Variants in DIPK1A observed in about 807,000 individuals in gnomAD.
DIPK1A encodes the protein divergent protein kinase domain 1A, also known as family with sequence similarity 69 member A.
DIPK1A carries 27 observed loss-of-function variants against 40.8 expected under a neutral mutation model. The observed-to-expected ratio is 0.66, with a 90% CI of 0.49 to 0.91. DIPK1A has a LOEUF of 0.91. Ranked by LOEUF, DIPK1A falls within the 40% of genes least tolerant of loss-of-function variation. The pLI is 0.00. For synonymous variants in DIPK1A, 166 were observed against 171.3 expected, an observed-to-expected ratio of 0.97 and a Z score of 0.24; for missense variants, 412 against 505.7, an observed-to-expected ratio of 0.81 and a Z score of 1.78.
intron 1 of DIPK1A, among the ~76,000 whole-genome samples, chr1:92,901,878 T>A (rs144859724): frequency 1.7e-4 from 26 of 152,198 alleles, no homozygotes; most frequent in African/African-American, 5.3e-4. Flanking sequence ...ACTAAAGTTG[T>A]CTGGCTTATA....
intron 1 of DIPK1A, among the ~76,000 whole-genome samples, chr1:92,876,810 T>C (rs1557465215): frequency 6.6e-6 from 1 of 152,208 alleles, no homozygotes; most frequent in Non-Finnish European, 1.5e-5. Flanking sequence ...CACATAAGAA[T>C]CTTAAAGGTC....
intron 1 of DIPK1A, among the ~76,000 whole-genome samples, chr1:92,905,247 C>G (rs1213208423): frequency 6.6e-6 from 1 of 152,090 alleles, no homozygotes; most frequent in Admixed American, 6.5e-5. Context: ...TCTATAATGG[C>G]TGTACTAACC....
chr1:92,844,245 T>G, intron 4 of DIPK1A, 50 bp from the exon 5 acceptor site: 1 of 1,135,040 alleles, frequency 8.8e-7, no homozygotes, highest in Admixed American at 2.4e-5. Context: ...ATACCTCCCA[T>G]GCAACATACT....
chr1:92,868,049 A>G (rs1356724803), intron 2 of DIPK1A, among the ~76,000 whole-genome samples: 1 of 152,208 alleles, frequency 6.6e-6, no homozygotes, highest in Non-Finnish European at 1.5e-5. Context: ...AATCAGTGTT[A>G]GATTATCAGG....
chr1:92,864,001 G>A (rs575488081), intron 2 of DIPK1A, among the ~76,000 whole-genome samples: 1 of 152,226 alleles, frequency 6.6e-6, no homozygotes, highest in South Asian at 2.1e-4. Flanking sequence ...AGGTTGCAGT[G>A]AGCTGAGATG....
intron 2 of DIPK1A, among the ~76,000 whole-genome samples, chr1:92,858,676 A>G (rs2100742031): frequency 6.6e-6 from 1 of 152,338 alleles, no homozygotes; most frequent in East Asian, 1.9e-4. Flanking sequence ...TTCTAGTTCT[A>G]AGAAAAAATC....
chr1:92,876,498 C>A, intron 1 of DIPK1A, 68 bp from the exon 2 acceptor site: 1 of 1,511,030 alleles, frequency 6.6e-7, no homozygotes, highest in South Asian at 1.2e-5. Flanking sequence ...TCCTAGAACA[C>A]GACTTCTCAC....
chr1:92,882,159 G>A (rs1188084007), intron 1 of DIPK1A, among the ~76,000 whole-genome samples: 1 of 152,174 alleles, frequency 6.6e-6, no homozygotes, highest in Non-Finnish European at 1.5e-5. Context: ...AGGCCGAGGT[G>A]GGCAGATCAC....
chr1:92,903,029 T>A (rs1474998945), intron 1 of DIPK1A, among the ~76,000 whole-genome samples: 1 of 152,074 alleles, frequency 6.6e-6, no homozygotes, highest in African/African-American at 2.4e-5. Context: ...TTTTAAAAAT[T>A]TCTGAAACAT....
chr1:92,856,580 G>A (rs1382262196), intron 2 of DIPK1A, among the ~76,000 whole-genome samples: 2 of 152,000 alleles, frequency 1.3e-5, no homozygotes, highest in African/African-American at 4.8e-5. Flanking sequence ...ACCAAGCCCA[G>A]GTAATTTTGT....
intron 1 of DIPK1A, among the ~76,000 whole-genome samples, chr1:92,948,767 G>A (rs950445292): frequency 3.1e-5 from 4 of 130,992 alleles, no homozygotes; most frequent in African/African-American, 8.5e-5. Context: ...GTATATATAT[G>A]TGTGTGTGTG....
intron 1 of DIPK1A, chr1:92,930,585 G>C (rs557294398): frequency 5.9e-5 from 9 of 152,226 alleles, no homozygotes; most frequent in Non-Finnish European, 8.8e-5. Context: ...AACACAGAGG[G>C]CCCTTCAAGG....
intron 1 of DIPK1A, among the ~76,000 whole-genome samples, chr1:92,900,408 A>T (rs1225382131): frequency 6.6e-6 from 1 of 151,670 alleles, no homozygotes; most frequent in Non-Finnish European, 1.5e-5. Flanking sequence ...TCTCTAACAT[A>T]TTTATTTCAT....
chr1:92,932,067 A>T (rs1650771100), intron 1 of DIPK1A: 3 of 493,904 alleles, frequency 6.1e-6, no homozygotes, highest in Middle Eastern at 7.8e-4. Context: ...TCGGAATTCC[A>T]GAAGACTCTG....
chr1:92,840,691 C>G, downstream of DIPK1A: 10 of 1,286,536 alleles, frequency 7.8e-6, no homozygotes, highest in Non-Finnish European at 1.1e-5. Flanking sequence ...GGAATGGTTC[C>G]CACGTGGGGC....
downstream of DIPK1A, chr1:92,840,843 A>C (rs762543079): frequency 7.2e-6 from 5 of 695,886 alleles, no homozygotes; most frequent in South Asian, 6.8e-5. Context: ...TTTCTATCCT[A>C]GTACAGTCTA....
At chr1:92,887,411 G>A (rs535538140) in intron 1 of DIPK1A, among the ~76,000 whole-genome samples, 70 of 152,120 alleles carry the variant, frequency 4.6e-4, no homozygotes, top group African/African-American at 1.6e-3. Context: ...GGGTGACAGA[G>A]GGAGACCCTG....
intron 2 of DIPK1A, among the ~76,000 whole-genome samples, chr1:92,873,419 A>C (rs1445710882): frequency 6.6e-6 from 1 of 152,142 alleles, no homozygotes; most frequent in Admixed American, 6.5e-5. Flanking sequence ...GTTTGAGACC[A>C]GCCTGGCCAA....
intron 1 of DIPK1A, among the ~76,000 whole-genome samples, chr1:92,948,764 T>TAC: frequency 7.0e-6 from 1 of 142,294 alleles, no homozygotes; most frequent in African/African-American, 2.6e-5. Context: ...TATGTATATA[T>TAC]ATGTGTGTGT....
Sources: allele counts gnomAD v4.1 joint callset (sites outside exome capture counted in the v4.1 genomes callset), GRCh38; gene constraint gnomAD v4.1.1; transcripts MANE v1.5; gene names NCBI Gene and HGNC (gene_info 2026-07-23, HGNC 2026-07-21).